The following DAB1 variants were observed in gnomAD, a reference collection of about 807,000 sequenced individuals.
The protein encoded by DAB1 is disabled homolog 1.
In DAB1, 15 loss-of-function variants were observed where a neutral mutation model predicts 64.6. The observed-to-expected ratio is 0.23, with a 90% CI of 0.16 to 0.36. The LOEUF (loss-of-function observed/expected upper bound fraction) is 0.36. Among genes scored for constraint, DAB1 ranks in the 10% least tolerant of loss-of-function variants. DAB1 has a pLI of 1.00. For synonymous variants in DAB1, 235 were observed against 251.9 expected (o/e 0.93, Z 0.64); for missense variants, 596 against 706.7 (o/e 0.84, Z 1.78).
chr1:57,777,509 T>C (rs1436306649), intron 6 of DAB1, among the ~76,000 whole-genome samples: 1 of 151,986 alleles, frequency 6.6e-6, no homozygotes, highest in African/African-American at 2.4e-5. Flanking sequence ...ATAATTTTTA[T>C]TGCAGTCTTC....
intron 4 of DAB1, among the ~76,000 whole-genome samples, chr1:58,243,511 GT>G (rs939747329): frequency 1.3e-4 from 19 of 151,084 alleles, no homozygotes; most frequent in East Asian, 1.2e-3. Context: ...TATGGCTGGG[GT>G]TTTTTTTTAG....
At chr1:57,739,866 T>C in intron 6 of DAB1, among the ~76,000 whole-genome samples, 1 of 151,902 alleles carries the variant, frequency 6.6e-6, no homozygotes, top group East Asian at 1.9e-4. Context: ...AAATTTTTTG[T>C]AGCATGCATT....
At chr1:58,349,578 AG>A (rs1393218724) in intron 3 of DAB1, among the ~76,000 whole-genome samples, 1 of 152,022 alleles carries the variant, frequency 6.6e-6, no homozygotes, top group Non-Finnish European at 1.5e-5. Context: ...CATCTACATT[AG>A]GCATTTCTCC....
chr1:57,447,738 T>G (rs563565881), intron 7 of DAB1, among the ~76,000 whole-genome samples: 1 of 152,262 alleles, frequency 6.6e-6, no homozygotes, highest in African/African-American at 2.4e-5. Context: ...GTGGTGAGTC[T>G]TACCCAGCCT....
chr1:57,233,848 C>A (rs1294864504), intron 2 of DAB1, among the ~76,000 whole-genome samples: 1 of 152,052 alleles, frequency 6.6e-6, no homozygotes, highest in Admixed American at 6.6e-5. Context: ...AAACTATATA[C>A]TTGGAGGTGA....
At chr1:57,640,252 T>A (rs1646112196) in intron 7 of DAB1, among the ~76,000 whole-genome samples, 1 of 152,240 alleles carries the variant, frequency 6.6e-6, no homozygotes, top group African/African-American at 2.4e-5. Context: ...TTCTAAAATT[T>A]CCTGCTTCCT....
At chr1:57,311,928 G>A (rs768635576) in intron 1 of DAB1, among the ~76,000 whole-genome samples, 11 of 152,230 alleles carry the variant, frequency 7.2e-5, no homozygotes, top group East Asian at 1.9e-4. Flanking sequence ...GGCGCTAAAC[G>A]TTATGGTTTC....
chr1:58,490,325 T>A (rs1645658539), intron 3 of DAB1, among the ~76,000 whole-genome samples: 1 of 152,116 alleles, frequency 6.6e-6, no homozygotes, highest in African/African-American at 2.4e-5. Context: ...TTCGATCAAC[T>A]GGAAGAAAAG....
At chr1:58,358,609 T>G (rs906607016) in intron 3 of DAB1, among the ~76,000 whole-genome samples, 1 of 152,138 alleles carries the variant, frequency 6.6e-6, no homozygotes, top group Non-Finnish European at 1.5e-5. Flanking sequence ...AAGGTGGGGA[T>G]GCAGCCTGGA....
chr1:58,187,724 T>G (rs1657162629), intron 4 of DAB1, among the ~76,000 whole-genome samples: 1 of 145,256 alleles, frequency 6.9e-6, no homozygotes. Context: ...TGATTACAGG[T>G]GTGCACCACC....
At chr1:57,173,642 C>T (rs964353915) in intron 2 of DAB1, among the ~76,000 whole-genome samples, 1 of 152,268 alleles carries the variant, frequency 6.6e-6, no homozygotes, top group Admixed American at 6.5e-5. Context: ...TAAATTAAGG[C>T]AAGCTTAATC....
chr1:58,333,160 C>A (rs549135079), intron 4 of DAB1, among the ~76,000 whole-genome samples: 1 of 151,868 alleles, frequency 6.6e-6, no homozygotes, highest in African/African-American at 2.4e-5. Context: ...TTTTTCCCTG[C>A]GGAGAGGGGA....
intron 7 of DAB1, among the ~76,000 whole-genome samples, chr1:57,511,391 C>G (rs1644403621): frequency 6.6e-6 from 1 of 152,192 alleles, no homozygotes; most frequent in South Asian, 2.1e-4. Flanking sequence ...CACCCCTGGG[C>G]CTTTGAGTTT....
intron 3 of DAB1, among the ~76,000 whole-genome samples, chr1:58,389,780 G>A (rs1557747075): frequency 6.6e-6 from 1 of 152,126 alleles, no homozygotes; most frequent in Non-Finnish European, 1.5e-5. Flanking sequence ...GGAGAGAGGA[G>A]AGGGCAGGGG....
chr1:57,015,214 A>C lies in DAB1; in HGVS notation c.1113T>G (p.Thr371=). Residue 371 remains threonine, a synonymous_variant, in exon 12 of 15, where the codon ACT becomes ACG. Transcript: ENST00000371236. ...ACATGGCAGCTGGCAAAGGCATAAC[A>C]GTTTGTGTGGGCATGAAGGCGGCTG... ...FPPAAFMPTQ[T]VMPLPAAMFQ... 7 of 1,614,072 alleles carry C rather than the reference A, an allele frequency of 4.3e-6. No individual in the cohort carries two copies. Among genetic ancestry groups the C allele is most frequent in the Middle Eastern group, 3.3e-4 (2 of 6,062 alleles).
At chr1:57,163,205 A>G (rs1400361092) in intron 2 of DAB1, among the ~76,000 whole-genome samples, 2 of 152,220 alleles carry the variant, frequency 1.3e-5, no homozygotes, top group Non-Finnish European at 2.9e-5. Context: ...ATAAATAATG[A>G]ACAAGATCAT....
At chr1:58,130,856 G>GGTA in intron 5 of DAB1, among the ~76,000 whole-genome samples, 1 of 152,104 alleles carries the variant, frequency 6.6e-6, no homozygotes, top group East Asian at 1.9e-4. Flanking sequence ...TCCCTTTGAG[G>GGTA]GTAACCCGAC....
intron 5 of DAB1, among the ~76,000 whole-genome samples, chr1:58,072,848 T>C (rs560712168): frequency 6.6e-6 from 1 of 152,334 alleles, no homozygotes; most frequent in South Asian, 2.1e-4. Context: ...CATCAAATTT[T>C]TCCAGGTTTC....
chr1:58,246,534 A>T (rs954976470), intron 4 of DAB1, among the ~76,000 whole-genome samples: 1 of 152,346 alleles, frequency 6.6e-6, no homozygotes, highest in South Asian at 2.1e-4. Flanking sequence ...TATGAAAAGC[A>T]TATGTGATAT....
Sources: gnomAD v4.1 joint callset for allele counts (sites outside exome capture counted in the v4.1 genomes callset) on GRCh38, gnomAD v4.1.1 for gene constraint, MANE v1.5 for transcripts, NCBI Gene and HGNC (gene_info 2026-07-23, HGNC 2026-07-21) for gene names.